ANK2: variants seen among roughly 807,000 people sequenced by gnomAD.
The protein encoded by ANK2 is ankyrin-2.
ANK2 carries 83 observed loss-of-function variants against 360.5 expected under a neutral mutation model. The observed-to-expected ratio is 0.23, with a 90% CI of 0.19 to 0.28. ANK2 has a LOEUF of 0.28. ANK2 is among the 10% of genes least tolerant of loss of function. The pLI, the probability that ANK2 is intolerant of heterozygous loss-of-function variation, is 1.00. For missense variants in ANK2, 4,201 were observed against 4,795.7 expected, an observed-to-expected ratio of 0.88 and a Z score of 3.66; for synonymous variants, 1,740 against 1,759.5, an observed-to-expected ratio of 0.99 and a Z score of 0.28.
intron 17 of ANK2, among the ~76,000 whole-genome samples, chr4:113,281,906 C>T (rs2062549958): frequency 6.6e-6 from 1 of 152,032 alleles, no homozygotes; most frequent in South Asian, 2.1e-4. Context: ...TTGAATGGAC[C>T]ACAAGATTCA....
chr4:112,717,792 T>A, the ANK2 span, among the ~76,000 whole-genome samples: 1 of 137,718 alleles, frequency 7.3e-6, no homozygotes, highest in East Asian at 2.1e-4. Flanking sequence ...AAAAAAAAAA[T>A]ATTTATAAAT....
the ANK2 span, among the ~76,000 whole-genome samples, chr4:112,792,555 A>T: frequency 6.6e-6 from 1 of 152,150 alleles, no homozygotes; most frequent in Admixed American, 6.5e-5. Flanking sequence ...TAACTATAAA[A>T]TGGTTACTAG....
At chr4:112,920,264 ATTC>A (rs995623118) in intron 2 of ANK2, among the ~76,000 whole-genome samples, 31 of 152,348 alleles carry the variant, frequency 2.0e-4, no homozygotes, top group African/African-American at 7.0e-4. Context: ...GACTCAGCTC[ATTC>A]TTCTTTTTAA....
At chr4:112,810,143 ATATATATATATATATATTTTTTTT>A in the ANK2 span, among the ~76,000 whole-genome samples, 1 of 23,048 alleles carries the variant, frequency 4.3e-5, no homozygotes, top group African/African-American at 3.1e-4. Context: ...ATATATATAT[ATATATATATATATATATTTTTTTT>A]TTTTTTTTTT....
intron 1 of ANK2, among the ~76,000 whole-genome samples, chr4:113,122,019 GT>G: frequency 1.3e-5 from 2 of 152,186 alleles, no homozygotes; most frequent in Middle Eastern, 6.8e-3. Flanking sequence ...TTAATTTAAA[GT>G]GTTTTATTTG....
intron 1 of ANK2, among the ~76,000 whole-genome samples, chr4:113,127,995 G>A (rs1172371232): frequency 6.6e-6 from 1 of 152,136 alleles, no homozygotes; most frequent in Admixed American, 6.5e-5. Flanking sequence ...AAAAATGCTT[G>A]TCATCAACAG....
chr4:113,185,035 T>G (rs1160489692), intron 2 of ANK2, among the ~76,000 whole-genome samples: 1 of 152,216 alleles, frequency 6.6e-6, no homozygotes. Context: ...GGACATGAAC[T>G]CATCCTTTTT....
intron 2 of ANK2, among the ~76,000 whole-genome samples, chr4:112,982,739 A>T (rs2043487558): frequency 6.6e-6 from 1 of 152,170 alleles, no homozygotes; most frequent in South Asian, 2.1e-4. Flanking sequence ...GATAGGGAAA[A>T]ATGACATAAA....
chr4:113,271,162 G>C (rs1460124712), intron 14 of ANK2, among the ~76,000 whole-genome samples: 1 of 152,196 alleles, frequency 6.6e-6, no homozygotes, highest in East Asian at 1.9e-4. Context: ...CAAATGTAAA[G>C]AGAGCCCCTC....
intron 2 of ANK2, among the ~76,000 whole-genome samples, chr4:113,039,270 C>T (rs528340936): frequency 2.6e-5 from 4 of 151,870 alleles, no homozygotes; most frequent in South Asian, 2.1e-4. Context: ...TTTTTATGTT[C>T]GTATTATCTT....
chr4:112,988,969 G>C (rs7664907), intron 2 of ANK2, among the ~76,000 whole-genome samples: 4,736 of 152,288 alleles, frequency 0.031, 161 homozygotes, highest in African/African-American at 0.077. Flanking sequence ...GGTCCAATGG[G>C]AATGATTCTG....
At chr4:112,913,186 T>C (rs1324787301) in intron 2 of ANK2, among the ~76,000 whole-genome samples, 3 of 152,180 alleles carry the variant, frequency 2.0e-5, no homozygotes, top group African/African-American at 7.2e-5. Flanking sequence ...GATAATAGCA[T>C]AGTGCTATAT....
At chr4:113,192,520 T>C (rs1228077825) in intron 2 of ANK2, among the ~76,000 whole-genome samples, 2 of 152,122 alleles carry the variant, frequency 1.3e-5, no homozygotes, top group Admixed American at 1.3e-4. Flanking sequence ...TGACCTACAG[T>C]CTGAAATACT....
chr4:113,183,578 G>T (rs1294881057), intron 2 of ANK2, among the ~76,000 whole-genome samples: 1 of 152,176 alleles, frequency 6.6e-6, no homozygotes, highest in East Asian at 1.9e-4. Context: ...TGGGCACCGT[G>T]AAAAGATGAA....
At chr4:113,228,887 A>G (rs1361068846) in intron 4 of ANK2, among the ~76,000 whole-genome samples, 1 of 152,196 alleles carries the variant, frequency 6.6e-6, no homozygotes. Context: ...TTTGATGGGT[A>G]AATCATGACA....
intron 1 of ANK2, among the ~76,000 whole-genome samples, chr4:113,107,286 G>A (rs900587523): frequency 2.4e-4 from 37 of 152,068 alleles, no homozygotes; most frequent in Middle Eastern, 3.4e-3. Context: ...GCGTGATAAC[G>A]GCTCACTGCA....
the ANK2 span, among the ~76,000 whole-genome samples, chr4:112,760,808 CTT>C: frequency 1.4e-4 from 20 of 138,238 alleles, no homozygotes; most frequent in Middle Eastern, 3.8e-3. Context: ...TCTTCTTCTT[CTT>C]TTTTTTTTTT....
the ANK2 span, among the ~76,000 whole-genome samples, chr4:112,787,515 C>G: frequency 6.6e-6 from 1 of 152,298 alleles, no homozygotes; most frequent in African/African-American, 2.4e-5. Flanking sequence ...CTTTCTCCCT[C>G]TCATCAATTC....
chr4:112,951,834 A>G (rs576508566), intron 2 of ANK2, among the ~76,000 whole-genome samples: 12 of 152,388 alleles, frequency 7.9e-5, no homozygotes, highest in African/African-American at 2.6e-4. Context: ...TTTAAATTAT[A>G]AATAGCTAAT....
Sources: allele counts gnomAD v4.1 joint callset (sites outside exome capture counted in the v4.1 genomes callset), GRCh38; gene constraint gnomAD v4.1.1; transcripts MANE v1.5; gene names NCBI Gene and HGNC (gene_info 2026-07-23, HGNC 2026-07-21).